Variants in LTBP1 observed in about 807,000 individuals in gnomAD.
LTBP1 encodes the protein latent transforming growth factor beta binding protein 1, also known as latent-transforming growth factor beta-binding protein 1.
Under a neutral mutation model 207.6 loss-of-function variants are expected in LTBP1, and 129 were observed. The observed-to-expected ratio is 0.62, with a 90% CI of 0.54 to 0.72. The LOEUF (loss-of-function observed/expected upper bound fraction) is 0.72. Ranked by LOEUF, LTBP1 falls within the 30% of genes least tolerant of loss-of-function variation. LTBP1 has a pLI of 0.00. For synonymous variants in LTBP1, 963 were observed against 833.7 expected, an observed-to-expected ratio of 1.16 and a Z score of -2.67; for missense variants, 2,281 against 2,217.2, an observed-to-expected ratio of 1.03 and a Z score of -0.58.
At chr2:33,157,345 T>C (rs1180625182) in intron 5 of LTBP1, among the ~76,000 whole-genome samples, 8 of 152,224 alleles carry the variant, frequency 5.3e-5, no homozygotes. Context: ...GTCATTGGCA[T>C]GTTTCTGAAC....
At chr2:33,295,572 C>T (rs1399423559) in intron 20 of LTBP1, among the ~76,000 whole-genome samples, 6 of 152,032 alleles carry the variant, frequency 3.9e-5, no homozygotes, top group East Asian at 1.9e-4. Flanking sequence ...AATATGTGTA[C>T]ATTACGTATA....
intron 3 of LTBP1, among the ~76,000 whole-genome samples, chr2:33,046,885 A>G (rs1483437007): frequency 6.6e-6 from 1 of 152,082 alleles, no homozygotes; most frequent in Non-Finnish European, 1.5e-5. Context: ...TAGATTTTCT[A>G]GTTTATTTGC....
At chr2:33,122,718 A>G (rs1288444398) in intron 4 of LTBP1, among the ~76,000 whole-genome samples, 1 of 152,188 alleles carries the variant, frequency 6.6e-6, no homozygotes, top group Non-Finnish European at 1.5e-5. Flanking sequence ...GGGGCAGCAT[A>G]TAGTGGGGTT....
intron 3 of LTBP1, among the ~76,000 whole-genome samples, chr2:33,089,600 C>T (rs533392441): frequency 6.6e-6 from 1 of 152,240 alleles, no homozygotes; most frequent in East Asian, 1.9e-4. Context: ...CCTAGTCACT[C>T]ATAAAGCTAT....
chr2:33,274,426 T>G (rs1195625112), intron 16 of LTBP1, among the ~76,000 whole-genome samples: 1 of 152,126 alleles, frequency 6.6e-6, no homozygotes, highest in East Asian at 1.9e-4. Flanking sequence ...AATACTTCTT[T>G]AGTATATGTG....
At chr2:33,006,843 A>G (rs1686965294) in intron 2 of LTBP1, among the ~76,000 whole-genome samples, 2 of 152,044 alleles carry the variant, frequency 1.3e-5, no homozygotes, top group South Asian at 4.1e-4. Context: ...ACAGTAAGAG[A>G]GCTAGTAGCC....
At chr2:33,104,952 A>G (rs1271264903) in intron 3 of LTBP1, among the ~76,000 whole-genome samples, 1 of 152,090 alleles carries the variant, frequency 6.6e-6, no homozygotes, top group Non-Finnish European at 1.5e-5. Context: ...GAAACCTTCA[A>G]GTTGCTGGAA....
chr2:32,969,220 C>G (rs1185704239), intron 2 of LTBP1, among the ~76,000 whole-genome samples: 1 of 136,362 alleles, frequency 7.3e-6, no homozygotes, highest in African/African-American at 2.9e-5. Context: ...GCCATGGCAC[C>G]TGGCCAATTT....
chr2:33,223,445 GAC>G (rs908035469), intron 9 of LTBP1, among the ~76,000 whole-genome samples: 17 of 152,290 alleles, frequency 1.1e-4, no homozygotes, highest in African/African-American at 4.1e-4. Flanking sequence ...GGACACCCAT[GAC>G]ACATTTTGAG....
At chr2:33,109,585 G>T in intron 3 of LTBP1, among the ~76,000 whole-genome samples, 1 of 152,196 alleles carries the variant, frequency 6.6e-6, no homozygotes, top group East Asian at 1.9e-4. Flanking sequence ...TGGGCCAGGA[G>T]GGTTAGCACA....
intron 9 of LTBP1, among the ~76,000 whole-genome samples, chr2:33,226,034 A>G (rs1427531739): frequency 2.0e-5 from 3 of 152,252 alleles, no homozygotes; most frequent in Non-Finnish European, 2.9e-5. Flanking sequence ...CTGGTGCTGC[A>G]ATAATAAGTT....
chr2:33,205,828 A>C (rs2089821447), intron 7 of LTBP1, among the ~76,000 whole-genome samples: 1 of 152,170 alleles, frequency 6.6e-6, no homozygotes, highest in Admixed American at 6.5e-5. Context: ...CAGGGCCCTG[A>C]TGTGATAGGA....
chr2:33,311,964 T>C (rs1346540728), intron 23 of LTBP1, among the ~76,000 whole-genome samples: 2 of 152,230 alleles, frequency 1.3e-5, no homozygotes, highest in African/African-American at 4.8e-5. Flanking sequence ...GAAGCATTTC[T>C]GAAGTAGGTC....
chr2:33,051,445 A>T (rs1052315306), intron 3 of LTBP1, among the ~76,000 whole-genome samples: 1 of 152,154 alleles, frequency 6.6e-6, no homozygotes, highest in African/African-American at 2.4e-5. Flanking sequence ...ACACACACAC[A>T]CAAAACTGTA....
intron 5 of LTBP1, among the ~76,000 whole-genome samples, chr2:33,165,571 G>A (rs774730216): frequency 6.6e-6 from 1 of 152,252 alleles, no homozygotes; most frequent in South Asian, 2.1e-4. Flanking sequence ...TTAGCTTTGC[G>A]GTGCAGACCT....
chr2:32,999,078 T>G (rs960264292), intron 2 of LTBP1, among the ~76,000 whole-genome samples: 2 of 152,150 alleles, frequency 1.3e-5, no homozygotes, highest in Admixed American at 1.3e-4. Context: ...TTAACAAGCC[T>G]CCCTGTGATT....
chr2:33,148,770 A>G lies in LTBP1; in HGVS notation c.1201+13810A>G, dbSNP rs547801284. The stretch of plus-strand genomic sequence containing the variant: ...AGGTGGAAAAACTGTTTGTCTGTCA[A>G]ATAGTTCTCAACTGGGGCAGTTTTG... On this transcript the variant is annotated intron_variant, in intron 5 of 33. Transcript: ENST00000404816. 5.3e-5 allele frequency among the ~76,000 whole-genome samples: 8 copies of G among 152,336 alleles called. No individual in the cohort carries two copies. The South Asian group carries it at 1.7e-3, about 32-fold the overall frequency.
chr2:33,191,907 G>C (rs2087931350), intron 7 of LTBP1, among the ~76,000 whole-genome samples: 1 of 152,160 alleles, frequency 6.6e-6, no homozygotes, highest in Admixed American at 6.5e-5. Context: ...TGTTTCTGTG[G>C]CACATTCTAA....
At chr2:33,340,665 T>TGAG (rs997299483) in intron 24 of LTBP1, among the ~76,000 whole-genome samples, 28 of 151,730 alleles carry the variant, frequency 1.8e-4, no homozygotes, top group South Asian at 6.3e-4. Context: ...TCTAGGTCAT[T>TGAG]GAGGAGGAGG....
Sources: allele counts gnomAD v4.1 joint callset (sites outside exome capture counted in the v4.1 genomes callset), GRCh38; gene constraint gnomAD v4.1.1; transcripts MANE v1.5; gene names NCBI Gene and HGNC (gene_info 2026-07-23, HGNC 2026-07-21).